Variants in RBM47 observed in about 807,000 individuals in gnomAD.
RBM47 encodes the protein RNA binding motif protein 47.
RBM47 carries 21 observed loss-of-function variants against 47.1 expected under a neutral mutation model. The observed-to-expected ratio is 0.45, with a 90% CI of 0.32 to 0.64. The LOEUF (loss-of-function observed/expected upper bound fraction) is 0.64. RBM47 is among the 30% of genes least tolerant of loss of function. The pLI is 0.05. For synonymous variants in RBM47, 375 were observed against 361.7 expected (o/e 1.04, Z -0.42); for missense variants, 708 against 870.9 (o/e 0.81, Z 2.35).
rs6148409 is a variant in RBM47, at chr4:40,498,054, T to TTATATATATA, written c.-154-31365_-154-31356dup. ...TGCAAATAAAATGTAAGTGCTTGTT[T>TTATATATATA]TATATATATATATATATATATATAT... On this transcript the variant is annotated intron_variant, in intron 2 of 6. Coordinates refer to ENST00000295971, the MANE Select transcript of RBM47 (RefSeq NM_001098634.2). 4.3e-3 allele frequency among the ~76,000 whole-genome samples: 471 copies of TTATATATATA among 109,806 alleles called. 17 individuals carry two copies. Among genetic ancestry groups the TTATATATATA allele is most frequent in the African/African-American group, 0.01 (319 of 31,654 alleles). The allele number at this position is 109,806 out of a possible 152,430, so 72.0% of individuals were successfully genotyped here.
intron 1 of RBM47, among the ~76,000 whole-genome samples, chr4:40,603,113 A>C (rs1384233143): frequency 6.6e-6 from 1 of 152,238 alleles, no homozygotes; most frequent in East Asian, 1.9e-4. Context: ...GAAGTCCTAC[A>C]TATAGTCATC....
intron 1 of RBM47, among the ~76,000 whole-genome samples, chr4:40,579,165 G>T (rs1216404986): frequency 6.6e-6 from 1 of 150,518 alleles, no homozygotes; most frequent in African/African-American, 2.4e-5. Context: ...GCTCACGCTT[G>T]TAATCCCAGC....
At chr4:40,495,735 G>C (rs1722479248) in intron 2 of RBM47, among the ~76,000 whole-genome samples, 1 of 152,138 alleles carries the variant, frequency 6.6e-6, no homozygotes, top group Non-Finnish European at 1.5e-5. Flanking sequence ...AGGCATGCTA[G>C]CACTCAGACT....
chr4:40,494,082 G>A (rs892852673), intron 2 of RBM47, among the ~76,000 whole-genome samples: 1 of 152,040 alleles, frequency 6.6e-6, no homozygotes, highest in African/African-American at 2.4e-5. Flanking sequence ...TCCTTCAATG[G>A]ACACATATTT....
intron 1 of RBM47, among the ~76,000 whole-genome samples, chr4:40,579,271 A>G (rs912514347): frequency 3.3e-5 from 5 of 150,816 alleles, no homozygotes; most frequent in Non-Finnish European, 7.4e-5. Flanking sequence ...AAATACAAAA[A>G]ATTAGCTGGG....
At chr4:40,581,468 A>AT (rs34906909) in intron 1 of RBM47, among the ~76,000 whole-genome samples, 100 of 149,342 alleles carry the variant, frequency 6.7e-4, no homozygotes, top group Non-Finnish European at 1.1e-3. Context: ...AAATAAATAA[A>AT]AGGAGAGGTC....
At chr4:40,601,067 G>A (rs569986092) in intron 1 of RBM47, among the ~76,000 whole-genome samples, 2 of 151,242 alleles carry the variant, frequency 1.3e-5, no homozygotes, top group African/African-American at 2.4e-5. Flanking sequence ...AGTGCCTCAC[G>A]GAAATGATGA....
At chr4:40,511,218 C>CACCT (rs1724885047) in intron 2 of RBM47, among the ~76,000 whole-genome samples, 1 of 152,244 alleles carries the variant, frequency 6.6e-6, no homozygotes, top group Non-Finnish European at 1.5e-5. Context: ...GAAAGGTTGT[C>CACCT]ACCTACCTGT....
At chr4:40,474,276 A>T (rs972581086) in intron 2 of RBM47, among the ~76,000 whole-genome samples, 1 of 152,204 alleles carries the variant, frequency 6.6e-6, no homozygotes, top group Non-Finnish European at 1.5e-5. Context: ...GAGAAGCAGC[A>T]CTGACTTATA....
intron 1 of RBM47, among the ~76,000 whole-genome samples, chr4:40,599,345 T>C (rs1189413311): frequency 6.6e-6 from 1 of 151,462 alleles, no homozygotes; most frequent in African/African-American, 2.4e-5. Flanking sequence ...CAAATCCAAA[T>C]AGGTACTTAC....
At chr4:40,551,310 T>C (rs1729539924) in intron 1 of RBM47, among the ~76,000 whole-genome samples, 1 of 152,190 alleles carries the variant, frequency 6.6e-6, no homozygotes, top group Non-Finnish European at 1.5e-5. Context: ...TTTAAGGCCC[T>C]TTAGTACATA....
At chr4:40,534,567 G>A (rs1225950023) in intron 2 of RBM47, among the ~76,000 whole-genome samples, 1 of 152,092 alleles carries the variant, frequency 6.6e-6, no homozygotes, top group Admixed American at 6.6e-5. Flanking sequence ...GAACTCCTGG[G>A]GACCTGGTCA....
chr4:40,439,574 A>C (rs928882795), intron 3 of RBM47, among the ~76,000 whole-genome samples: 2 of 152,216 alleles, frequency 1.3e-5, no homozygotes, highest in South Asian at 4.1e-4. Flanking sequence ...GGTGTGAAGC[A>C]TTCAAAGATT....
intron 1 of RBM47, among the ~76,000 whole-genome samples, chr4:40,560,510 C>T (rs1042631813): frequency 5.3e-5 from 8 of 152,256 alleles, no homozygotes; most frequent in Non-Finnish European, 1.2e-4. Flanking sequence ...CTCGGCTCTC[C>T]CTGCTCCCGG....
chr4:40,446,220 A>G (rs145495977), intron 3 of RBM47, among the ~76,000 whole-genome samples: 605 of 152,296 alleles, frequency 4.0e-3, no homozygotes, highest in Non-Finnish European at 6.8e-3. Context: ...TAATCCTCAC[A>G]GTGTCTATAT....
At chr4:40,615,009 C>G (rs1736594297) in intron 1 of RBM47, among the ~76,000 whole-genome samples, 2 of 152,040 alleles carry the variant, frequency 1.3e-5, no homozygotes, top group African/African-American at 4.8e-5. Context: ...ACTTGTAATC[C>G]CAGCACTTTG....
intron 2 of RBM47, among the ~76,000 whole-genome samples, chr4:40,529,931 C>CTTTTTT (rs1184871315): frequency 1.6e-5 from 2 of 124,486 alleles, no homozygotes; most frequent in Non-Finnish European, 3.3e-5. Context: ...ATTAGACCCC[C>CTTTTTT]TTTTTTTTTT....
intron 3 of RBM47, among the ~76,000 whole-genome samples, chr4:40,443,996 C>T (rs1577645742): frequency 3.9e-5 from 6 of 151,974 alleles, no homozygotes; most frequent in South Asian, 4.1e-4. Context: ...CTCAGGAGCA[C>T]GAGACCAGCC....
At chr4:40,482,371 A>G (rs1419273420) in intron 2 of RBM47, among the ~76,000 whole-genome samples, 2 of 152,094 alleles carry the variant, frequency 1.3e-5, no homozygotes, top group African/African-American at 2.4e-5. Context: ...TTCCCACCTC[A>G]GCCTCCCAAG....
Sources: gnomAD v4.1 joint callset for allele counts (sites outside exome capture counted in the v4.1 genomes callset) on GRCh38, gnomAD v4.1.1 for gene constraint, MANE v1.5 for transcripts, NCBI Gene and HGNC (gene_info 2026-07-23, HGNC 2026-07-21) for gene names.